The following ADCY9 variants were observed in gnomAD, a reference collection of about 807,000 sequenced individuals.
The protein encoded by ADCY9 is adenylate cyclase type 9.
A neutral mutation model predicts 101.5 loss-of-function variants in ADCY9; 50 were observed. The observed-to-expected ratio is 0.49, with a 90% CI of 0.39 to 0.62. The LOEUF is 0.62. Among genes scored for constraint, ADCY9 ranks in the 20% least tolerant of loss-of-function variants. The pLI is 0.00. For missense variants in ADCY9, 1,662 were observed against 1,800.4 expected, an observed-to-expected ratio of 0.92 and a Z score of 1.39; for synonymous variants, 905 against 769.3, an observed-to-expected ratio of 1.18 and a Z score of -2.92.
At position 3,963,369 on chromosome 16, in the gene ADCY9, C is replaced by T. The variant is rs1039701802; in HGVS notation, c.*2406G>A. Reference sequence around the variant, plus strand: ...TCGCTGCCAACAGACAAGAGATGCACGGCGTTTCCGCTGCAGAGATTCTGT... The same window carrying T: ...TCGCTGCCAACAGACAAGAGATGCATGGCGTTTCCGCTGCAGAGATTCTGT... On this transcript the variant is annotated 3_prime_UTR_variant, in exon 11 of 11. Transcript: ENST00000294016. 11 of 398,690 alleles carry T rather than the reference C, an allele frequency of 2.8e-5. No individual in the cohort carries two copies. The highest frequency in any genetic ancestry group is 1.1e-4 in the East Asian group (3 of 28,058). The allele number at this position is 398,690 out of a possible 1,614,324, so 24.7% of individuals were successfully genotyped here. A position where few individuals can be genotyped will look rare whatever the true frequency, so the allele number is the denominator to read the frequency against.
At chr16:4,029,643 A>G (rs1388040070) in intron 2 of ADCY9, among the ~76,000 whole-genome samples, 1 of 152,128 alleles carries the variant, frequency 6.6e-6, no homozygotes, top group Non-Finnish European at 1.5e-5. Context: ...GCTACTGGGG[A>G]GACTGAGGCA....
intron 3 of ADCY9, among the ~76,000 whole-genome samples, chr16:4,004,881 G>A (rs138862305): frequency 1.3e-5 from 2 of 152,316 alleles, no homozygotes; most frequent in East Asian, 3.9e-4. Context: ...AGTATCTCAA[G>A]TGAGCAGCAG....
At chr16:3,960,029 A>C (rs1318240779), downstream of ADCY9, among the ~76,000 whole-genome samples, 1 of 152,148 alleles carries the variant, frequency 6.6e-6, no homozygotes, top group East Asian at 1.9e-4. Context: ...CTGTCTCAAA[A>C]AAAATAAATA....
chr16:4,058,174 A>C (rs1401536988), intron 2 of ADCY9, among the ~76,000 whole-genome samples: 1 of 141,460 alleles, frequency 7.1e-6, no homozygotes, highest in East Asian at 2.1e-4. Flanking sequence ...AAAAAAAAAG[A>C]GAGTTGAGGC....
downstream of ADCY9, among the ~76,000 whole-genome samples, chr16:3,958,541 C>CAAAAAA: frequency 9.6e-6 from 1 of 104,182 alleles, no homozygotes; most frequent in South Asian, 3.4e-4. Flanking sequence ...AACTCCGTCT[C>CAAAAAA]AAAAAAAAAA....
intron 5 of ADCY9, among the ~76,000 whole-genome samples, chr16:3,954,834 G>T (rs2141660807): frequency 6.6e-6 from 1 of 152,334 alleles, no homozygotes; most frequent in East Asian, 1.9e-4. Flanking sequence ...AGAGCCATTG[G>T]TTGGGAACAC....
intron 2 of ADCY9, among the ~76,000 whole-genome samples, chr16:4,099,201 G>A (rs183671356): frequency 8.5e-5 from 13 of 152,174 alleles, no homozygotes; most frequent in Non-Finnish European, 1.8e-4. Context: ...CCAAAGTGCT[G>A]GGATTACAGA....
chr16:4,027,987 T>TC (rs564773668), intron 2 of ADCY9, among the ~76,000 whole-genome samples: 1 of 151,874 alleles, frequency 6.6e-6, no homozygotes, highest in Non-Finnish European at 1.5e-5. Flanking sequence ...TCCCACTGGG[T>TC]CCCTCCCACA....
chr16:4,082,385 A>T (rs1183871516), intron 2 of ADCY9, among the ~76,000 whole-genome samples: 1 of 152,146 alleles, frequency 6.6e-6, no homozygotes, highest in Non-Finnish European at 1.5e-5. Context: ...TCAAAAGAAA[A>T]AAAACAAACA....
chr16:4,115,769 C>T lies in ADCY9; in HGVS notation c.-123G>A, dbSNP rs2057147454. 2 of 404,932 alleles carry T rather than the reference C, an allele frequency of 4.9e-6. No individual in the cohort carries two copies. The highest frequency in any genetic ancestry group is 8.7e-6 in the Non-Finnish European group (2 of 230,252). The allele number at this position is 404,932 out of a possible 1,614,324, so 25.1% of individuals were successfully genotyped here. A position where few individuals can be genotyped will look rare whatever the true frequency, so the allele number is the denominator to read the frequency against. The stretch of plus-strand genomic sequence containing the variant: ...GCTCGCTCGCCTTCCGCGCCTCTCG[C>T]CCCGAGGGTGGCCTCCGCGCCGCGC... On this transcript the variant is annotated 5_prime_UTR_variant, in exon 1 of 11. Transcript: ENST00000294016. The surrounding 1 kb of genome is among the most constrained non-coding windows in gnomAD (Gnocchi z 6.2).
rs139176713 is a variant in ADCY9, at chr16:4,039,862, G to C, written c.1694-32304C>G. On this transcript the variant is annotated intron_variant, in intron 2 of 10. Transcript: ENST00000294016. ...AAGACCAGCCTGGGTAACATAGTGAGATCCCATCTCTACGAAAAATGCAAA... is the reference window on the plus strand; with the variant it reads ...AAGACCAGCCTGGGTAACATAGTGACATCCCATCTCTACGAAAAATGCAAA... Among the ~76,000 whole-genome samples, 38 of 152,076 alleles carry C rather than the reference G, an allele frequency of 2.5e-4. 1 individual carries two copies. Among genetic ancestry groups the C allele is most frequent in the African/African-American group, 8.9e-4 (37 of 41,474 alleles).
chr16:4,041,421 T>C (rs1053261397), intron 2 of ADCY9, among the ~76,000 whole-genome samples: 1 of 149,642 alleles, frequency 6.7e-6, no homozygotes, highest in African/African-American at 2.5e-5. Context: ...GGAGGATCAC[T>C]TAAACCCAGG....
intron 2 of ADCY9, among the ~76,000 whole-genome samples, chr16:4,074,716 C>A (rs78990265): frequency 8.9e-3 from 891 of 100,004 alleles, no homozygotes; most frequent in Non-Finnish European, 9.4e-3. Context: ...TACCCAGTGG[C>A]AAAAAAAAAA....
Position 3,965,482 on chromosome 16 carries a change from G to A in ADCY9, c.*293C>T, listed in dbSNP as rs554167806. 1.6e-5 allele frequency: 7 copies of A among 438,164 alleles called. No individual in the cohort carries two copies. Among genetic ancestry groups the A allele is most frequent in the African/African-American group, 1.2e-4 (6 of 50,766 alleles). 27.1% of individuals were successfully genotyped at this position (438,164 alleles called of 1,614,324 possible). ...ACCCAAAGCCATGATCTCCACTGGC[G>A]GCCTCTGTCCCGAGACTCGAGGCCG... On this transcript the variant is annotated 3_prime_UTR_variant, in exon 11 of 11. Transcript: ENST00000294016.
chr16:4,005,859 A>T (rs930368046), intron 3 of ADCY9, among the ~76,000 whole-genome samples: 1 of 152,134 alleles, frequency 6.6e-6, no homozygotes, highest in African/African-American at 2.4e-5. Flanking sequence ...TGCAGGCTGG[A>T]GGAAACAATT....
intron 3 of ADCY9, among the ~76,000 whole-genome samples, chr16:3,998,757 AGAAAAGAAAAG>A (rs2056308570): frequency 3.5e-4 from 2 of 5,738 alleles, no homozygotes; most frequent in Non-Finnish European, 3.5e-4. Context: ...AAGAAAGAAA[AGAAAAGAAAAG>A]AAAAGAAAAG....
intron 2 of ADCY9, among the ~76,000 whole-genome samples, chr16:4,050,227 G>T (rs1054561540): frequency 6.6e-6 from 1 of 152,024 alleles, no homozygotes; most frequent in Non-Finnish European, 1.5e-5. Context: ...AGAAAAGAGG[G>T]GCACAGCCAA....
downstream of ADCY9, among the ~76,000 whole-genome samples, chr16:3,960,610 A>C (rs1235111245): frequency 6.6e-6 from 1 of 152,160 alleles, no homozygotes; most frequent in East Asian, 1.9e-4. Context: ...CATAACCTTC[A>C]TCAAACTATC....
At chr16:4,096,301 T>C (rs957135144) in intron 2 of ADCY9, among the ~76,000 whole-genome samples, 8 of 152,208 alleles carry the variant, frequency 5.3e-5, no homozygotes, top group Non-Finnish European at 1.0e-4. Context: ...ATCTCAGCTA[T>C]ACTTAGACAA....
Sources: allele counts gnomAD v4.1 joint callset (sites outside exome capture counted in the v4.1 genomes callset), GRCh38; gene constraint gnomAD v4.1.1; non-coding constraint Gnocchi (gnomAD v3.1); transcripts MANE v1.5; gene names NCBI Gene and HGNC (gene_info 2026-07-23, HGNC 2026-07-21).